Variants in HYDIN observed in about 807,000 individuals in gnomAD.
The protein encoded by HYDIN is HYDIN axonemal central pair apparatus protein.
In HYDIN, 132 loss-of-function variants were observed where a neutral mutation model predicts 403.9. The ratio of observed to expected loss-of-function variants is 0.33; its 90% confidence interval spans 0.28 to 0.38. The LOEUF (loss-of-function observed/expected upper bound fraction) is 0.38. HYDIN is among the 10% of genes least tolerant of loss of function. The pLI, the probability that HYDIN is intolerant of heterozygous loss-of-function variation, is 1.00. For synonymous variants in HYDIN, 1,202 were observed against 1,891.7 expected (o/e 0.64, Z 9.46); for missense variants, 2,827 against 5,009.5 (o/e 0.56, Z 13.15).
chr16:70,809,411 C>T (rs1298598306), intron 85 of HYDIN, among the ~76,000 whole-genome samples: 6 of 152,204 alleles, frequency 3.9e-5, no homozygotes, highest in Middle Eastern at 6.3e-3. Flanking sequence ...ATTATTCATA[C>T]AAAGAGTAAG....
chr16:70,931,763 C>T (rs2077341903), intron 45 of HYDIN, among the ~76,000 whole-genome samples: 1 of 152,014 alleles, frequency 6.6e-6, no homozygotes, highest in Admixed American at 6.6e-5. Context: ...GCCTGTAATC[C>T]CAGCACTTTG....
intron 83 of HYDIN, among the ~76,000 whole-genome samples, chr16:70,826,474 G>A (rs1314795267): frequency 1.3e-5 from 2 of 151,932 alleles, no homozygotes; most frequent in African/African-American, 4.8e-5. Context: ...TTCACTTAAA[G>A]TTTTCTGTTT....
chr16:70,930,420 G>T (rs1228734357), intron 45 of HYDIN, among the ~76,000 whole-genome samples: 2 of 152,100 alleles, frequency 1.3e-5, no homozygotes, highest in Non-Finnish European at 2.9e-5. Context: ...GGCGGAGGTT[G>T]CAGTGAGCCA....
intron 53 of HYDIN, among the ~76,000 whole-genome samples, chr16:70,897,862 A>G (rs1022950504): frequency 2.0e-5 from 3 of 152,018 alleles, no homozygotes; most frequent in African/African-American, 7.2e-5. Flanking sequence ...AGATGGTCAC[A>G]ACAGTTGTGA....
At chr16:71,018,764 A>C (rs1344981160) in intron 22 of HYDIN, among the ~76,000 whole-genome samples, 2 of 152,310 alleles carry the variant, frequency 1.3e-5, no homozygotes, top group Non-Finnish European at 2.9e-5. Flanking sequence ...GTGTGGGGTT[A>C]TAAGAATTGA....
chr16:71,217,956 T>C (rs535538609), intron 1 of HYDIN, among the ~76,000 whole-genome samples: 2 of 152,260 alleles, frequency 1.3e-5, no homozygotes, highest in African/African-American at 2.4e-5. Context: ...TTTGTTGTAA[T>C]AGGGATGAGG....
chr16:71,101,657 C>T (rs2083458608), intron 10 of HYDIN, among the ~76,000 whole-genome samples: 1 of 152,070 alleles, frequency 6.6e-6, no homozygotes, highest in African/African-American at 2.4e-5. Flanking sequence ...CATTTCACAA[C>T]TAGTGGAGGA....
At chr16:70,875,869 A>G (rs1345074295) in intron 62 of HYDIN, among the ~76,000 whole-genome samples, 1 of 152,204 alleles carries the variant, frequency 6.6e-6, no homozygotes, top group African/African-American at 2.4e-5. Flanking sequence ...AAAATGGCAA[A>G]AACAGGGAAT....
intron 1 of HYDIN, among the ~76,000 whole-genome samples, chr16:71,223,152 T>A (rs2081253): frequency 0.4 from 60,298 of 151,746 alleles, 12,721 homozygotes; most frequent in East Asian, 0.57. Flanking sequence ...CAGAACAGAG[T>A]ACCCAAAAAT....
At chr16:70,856,823 G>T (rs2039055754) in intron 72 of HYDIN, among the ~76,000 whole-genome samples, 1 of 152,196 alleles carries the variant, frequency 6.6e-6, no homozygotes, top group Admixed American at 6.5e-5. Flanking sequence ...AGTTAACACT[G>T]CTTTCCTTTG....
chr16:70,974,820 T>C lies in HYDIN; in HGVS notation c.4773-150A>G, dbSNP rs1316796711. Reference sequence around the variant, plus strand: ...AACAAATGGCTACCCAAATGGAGACTAGAAACAACGTTAACTCCCCCAGAG... The same window carrying C: ...AACAAATGGCTACCCAAATGGAGACCAGAAACAACGTTAACTCCCCCAGAG... On this transcript the variant is annotated intron_variant, in intron 31 of 85. Transcript: ENST00000393567. The C allele has an allele frequency of 8.2e-6, 6 of 732,238 alleles. No homozygotes were observed. The African/African-American group carries it at 8.9e-5, about 11-fold the overall frequency. 45.4% of individuals were successfully genotyped at this position (732,238 alleles called of 1,614,324 possible). A position where few individuals can be genotyped will look rare whatever the true frequency, so the allele number is the denominator to read the frequency against.
At chr16:71,212,815 C>G (rs966740263) in intron 1 of HYDIN, among the ~76,000 whole-genome samples, 1 of 151,860 alleles carries the variant, frequency 6.6e-6, no homozygotes, top group South Asian at 2.1e-4. Context: ...GTGTTGAGAA[C>G]AACCAAAATG....
At chr16:70,916,275 A>G (rs1044470721) in intron 47 of HYDIN, among the ~76,000 whole-genome samples, 1 of 152,184 alleles carries the variant, frequency 6.6e-6, no homozygotes, top group Non-Finnish European at 1.5e-5. Context: ...GATGCCAGAC[A>G]GGAATGGCCT....
chr16:71,221,332 C>T (rs2089188964), intron 1 of HYDIN, among the ~76,000 whole-genome samples: 1 of 151,772 alleles, frequency 6.6e-6, no homozygotes, highest in African/African-American at 2.4e-5. Flanking sequence ...ATTCATATCA[C>T]CTGTGAGCTC....
At chr16:70,817,988 G>A (rs1356140923) in intron 84 of HYDIN, among the ~76,000 whole-genome samples, 3 of 152,056 alleles carry the variant, frequency 2.0e-5, no homozygotes, top group Non-Finnish European at 4.4e-5. Flanking sequence ...GTGATCTGCC[G>A]TCCCTGGCCT....
Position 70,941,838 on chromosome 16 carries a change from A to T in HYDIN, c.6670-19T>A. On this transcript the variant is annotated intron_variant, in intron 42 of 85. Coordinates refer to ENST00000393567, the MANE Select transcript of HYDIN (RefSeq NM_001270974.2). ...CACTCAGCTGAAACCAGAGAGAGCAAAGACAGTTACTATGGCCACAACCTC... is the reference window on the plus strand; with the variant it reads ...CACTCAGCTGAAACCAGAGAGAGCATAGACAGTTACTATGGCCACAACCTC... 3 of 1,454,446 alleles carry T rather than the reference A, an allele frequency of 2.1e-6. No individual in the cohort carries two copies. The South Asian group carries it at 4.5e-5, about 22-fold the overall frequency. 90.1% of individuals were successfully genotyped at this position (1,454,446 alleles called of 1,614,324 possible).
At chr16:71,181,974 G>A (rs1219585058) in intron 3 of HYDIN, among the ~76,000 whole-genome samples, 1 of 152,196 alleles carries the variant, frequency 6.6e-6, no homozygotes, top group Non-Finnish European at 1.5e-5. Context: ...AGGCAGTCAA[G>A]AGAAGGCCTC....
intron 9 of HYDIN, among the ~76,000 whole-genome samples, chr16:71,116,117 A>G (rs902287324): frequency 2.6e-5 from 4 of 152,078 alleles, no homozygotes; most frequent in South Asian, 4.2e-4. Context: ...TCCAGAACTT[A>G]TAACTACAAG....
At chr16:70,969,054 A>G (rs1631608) in intron 36 of HYDIN, among the ~76,000 whole-genome samples, 412 of 135,392 alleles carry the variant, frequency 3.0e-3, no homozygotes, top group African/African-American at 0.012. Flanking sequence ...GAAAATCAGC[A>G]AACTTGAAGA....
Sources: allele counts gnomAD v4.1 joint callset (sites outside exome capture counted in the v4.1 genomes callset), GRCh38; gene constraint gnomAD v4.1.1; transcripts MANE v1.5; gene names NCBI Gene and HGNC (gene_info 2026-07-23, HGNC 2026-07-21).